Variants in DOCK11 observed in about 807,000 individuals in gnomAD.
DOCK11 encodes dedicator of cytokinesis 11, also known as dedicator of cytokinesis protein 11.
Under a neutral mutation model 169.1 loss-of-function variants are expected in DOCK11, and 70 were observed. The observed-to-expected ratio is 0.41, with a 90% confidence interval of 0.34 to 0.51. The LOEUF is 0.51. Among genes scored for constraint, DOCK11 ranks in the 20% least tolerant of loss-of-function variants. The probability of loss-of-function intolerance (pLI) is 0.10; values close to 1 mark genes in which losing one functional copy is unlikely to be tolerated. For missense variants in DOCK11, 1,166 were observed against 1,538.8 expected (o/e 0.76, Z 4.05); for synonymous variants, 529 against 541.3 (o/e 0.98, Z 0.32).
In DOCK11 at chrX:118,559,396, A is replaced by T. The variant is rs752272645; in HGVS notation, c.559-1987A>T. On this transcript the variant is annotated intron_variant, in intron 6 of 52. Transcript: ENST00000276202. The stretch of plus-strand genomic sequence containing the variant: ...TTAGATTTGAACAATTCAAATATAA[A>T]TTTTTTCATATTATTTTTTTCATGT... 3.6e-5 allele frequency among the ~76,000 whole-genome samples: 4 copies of T among 111,841 alleles called. No homozygotes were observed. The South Asian group carries it at 1.1e-3, about 31-fold the overall frequency.
At chrX:118,596,124 A>AT (rs1398357448) in intron 20 of DOCK11, among the ~76,000 whole-genome samples, 2 of 112,224 alleles carry the variant, frequency 1.8e-5, no homozygotes, top group Non-Finnish European at 3.8e-5. Flanking sequence ...CAAGAAATAG[A>AT]TTTTCCTTTC....
At chrX:118,667,000 C>T (rs1228877942) in intron 45 of DOCK11, among the ~76,000 whole-genome samples, 1 of 111,507 alleles carries the variant, frequency 9.0e-6, no homozygotes, top group African/African-American at 3.3e-5. Context: ...TCAGGTGTTC[C>T]TTGGCCTCTT....
At chrX:118,577,175 A>G (rs1010977676) in intron 12 of DOCK11, among the ~76,000 whole-genome samples, 1 of 112,500 alleles carries the variant, frequency 8.9e-6, no homozygotes, top group Non-Finnish European at 1.9e-5. Context: ...ACCATCTAGC[A>G]TGGTTATGTG....
At chrX:118,623,214 T>C (rs1431726400) in intron 31 of DOCK11, among the ~76,000 whole-genome samples, 1 of 110,267 alleles carries the variant, frequency 9.1e-6, no homozygotes, top group Non-Finnish European at 1.9e-5. Context: ...TAAGACTCAG[T>C]CTCAAAAAAA....
chrX:118,571,840 C>T (rs1164639107), intron 10 of DOCK11, among the ~76,000 whole-genome samples: 1 of 111,895 alleles, frequency 8.9e-6, no homozygotes, highest in Admixed American at 9.5e-5. Flanking sequence ...GCAGAAGTGT[C>T]GACTGATCAG....
chrX:118,617,459 TC>T (rs951515385), intron 30 of DOCK11, among the ~76,000 whole-genome samples: 1 of 106,758 alleles, frequency 9.4e-6, no homozygotes, highest in Non-Finnish European at 1.9e-5. Context: ...GCCACTGCAC[TC>T]CAGCCTGGGT....
At chrX:118,520,522 T>C (rs2057715727) in intron 1 of DOCK11, among the ~76,000 whole-genome samples, 1 of 112,754 alleles carries the variant, frequency 8.9e-6, no homozygotes, top group African/African-American at 3.2e-5. Context: ...TATTAGAAGA[T>C]GCCTTGCATT....
intron 46 of DOCK11, 92 bp downstream of exon 46, chrX:118,671,237 T>C: frequency 1.2e-6 from 1 of 826,867 alleles, no homozygotes; most frequent in Non-Finnish European, 1.7e-6. Flanking sequence ...ATTATTCGAC[T>C]TGTGTCCTCT....
chrX:118,543,296 G>C (rs1408148760), intron 3 of DOCK11, among the ~76,000 whole-genome samples: 1 of 111,531 alleles, frequency 9.0e-6, no homozygotes, highest in East Asian at 2.8e-4. Flanking sequence ...AATACTCTTT[G>C]CACTGAGAGT....
At position 118,676,624 on chromosome X, in the gene DOCK11, A is replaced by G. The variant is rs756658087; in HGVS notation, c.5347A>G (p.Ile1783Val). 1.3e-5 allele frequency: 15 copies of G among 1,194,478 alleles called. No individual in the cohort carries two copies. Among genetic ancestry groups the G allele is most frequent in the Admixed American group, 1.1e-4 (5 of 45,631 alleles). The change falls in exon 48 of 53, where the codon ATC becomes GTC. Residue 1783 changes from isoleucine to valine, a missense_variant. Physicochemically the swap from Ile to Val is conservative, Grantham distance 29. Transcript: ENST00000276202. ...TGAAGAAGAAGATGGAAAGGAGTACATCTATAAAGAACCAAAGCTCACTGG... is the reference window on the plus strand; with the variant it reads ...TGAAGAAGAAGATGGAAAGGAGTACGTCTATAAAGAACCAAAGCTCACTGG... ...FFEEEDGKEY[I>V]YKEPKLTGLS... is the part of the protein sequence containing the mutation.
chrX:118,642,574 C>T (rs1157485149), intron 39 of DOCK11, among the ~76,000 whole-genome samples: 2 of 111,288 alleles, frequency 1.8e-5, no homozygotes, highest in East Asian at 2.8e-4. Context: ...GAAACTGGGG[C>T]CCACAGGAGG....
At chrX:118,672,450 T>C (rs1215682114) in intron 46 of DOCK11, among the ~76,000 whole-genome samples, 2 of 112,921 alleles carry the variant, frequency 1.8e-5, no homozygotes. Flanking sequence ...TTAGTTTTTT[T>C]GAGACGGAGT....
Position 118,572,891 on chromosome X carries a change from C to T in DOCK11, c.1176+428C>T, listed in dbSNP as rs894504836. Among the ~76,000 whole-genome samples the T allele has an allele frequency of 6.3e-5, 7 of 111,750 alleles. No homozygotes were observed. The South Asian group carries it at 2.2e-3, about 36-fold the overall frequency. ...CCCAAACTTGCAAAATCTTCAAATG[C>T]GTAAATTCTACTAGATAATATGTTT... On this transcript the variant is annotated intron_variant, in intron 11 of 52. Coordinates refer to ENST00000276202, the MANE Select transcript of DOCK11 (RefSeq NM_144658.4).
intron 1 of DOCK11, among the ~76,000 whole-genome samples, chrX:118,523,256 GAATTA>G (rs1161265765): frequency 8.9e-6 from 1 of 111,757 alleles, no homozygotes; most frequent in East Asian, 2.8e-4. Context: ...CTTAGGATTT[GAATTA>G]AATACAAAAA....
chrX:118,615,513 G>A (rs1181447906), intron 29 of DOCK11, 87 bp from the exon 30 acceptor site: 29 of 749,897 alleles, frequency 3.9e-5, no homozygotes, highest in South Asian at 7.6e-5. Context: ...AAGCACTTCC[G>A]TTGTGAAAAA....
intron 19 of DOCK11, among the ~76,000 whole-genome samples, chrX:118,592,768 A>G (rs893784617): frequency 8.9e-6 from 1 of 112,499 alleles, no homozygotes; most frequent in African/African-American, 3.2e-5. Flanking sequence ...GACCATCGTT[A>G]CTTTTTGCAT....
chrX:118,647,739 TATA>T (rs1569440580), intron 40 of DOCK11, among the ~76,000 whole-genome samples: 20 of 52,559 alleles, frequency 3.8e-4, no homozygotes, highest in African/African-American at 1.6e-3. Context: ...TATAATATAA[TATA>T]ATATATAATA....
chrX:118,574,981 C>T (rs1385722901), intron 12 of DOCK11, among the ~76,000 whole-genome samples: 5 of 111,768 alleles, frequency 4.5e-5, no homozygotes, highest in South Asian at 3.7e-4. Context: ...AATGAGAGCA[C>T]GGCATAGAAT....
intron 35 of DOCK11, chrX:118,633,049 T>C (rs1341778921): frequency 9.2e-6 from 1 of 108,446 alleles, no homozygotes; most frequent in Non-Finnish European, 1.9e-5. Flanking sequence ...CTTTTCTCTT[T>C]AGCCCAGACT....
Sources: allele counts gnomAD v4.1 joint callset (sites outside exome capture counted in the v4.1 genomes callset), GRCh38; gene constraint gnomAD v4.1.1; transcripts MANE v1.5; gene names NCBI Gene and HGNC (gene_info 2026-07-23, HGNC 2026-07-21).